GANC: variants seen among roughly 807,000 people sequenced by gnomAD.
The protein encoded by GANC is neutral alpha-glucosidase C.
In GANC, 117 loss-of-function variants were observed where a neutral mutation model predicts 124.2. That is an observed-to-expected ratio of 0.94 (90% confidence interval 0.81 to 1.10). The LOEUF is 1.10. Among genes scored for constraint, GANC ranks in the 50% least tolerant of loss-of-function variants. The pLI, the probability that GANC is intolerant of heterozygous loss-of-function variation, is 0.00. For synonymous variants in GANC, 377 were observed against 376.8 expected (o/e 1.00, Z -0.01); for missense variants, 1,140 against 1,095.0 (o/e 1.04, Z -0.58).
In GANC at chr15:42,353,414, C is replaced by T. The variant is rs963868703; in HGVS notation, c.*1275C>T. On this transcript the variant is annotated 3_prime_UTR_variant, in exon 24 of 24. Transcript: ENST00000318010. The stretch of plus-strand genomic sequence containing the variant: ...CTGCGTGAACACCCCTACCCCCATA[C>T]CCATTAGCAGTGATTTTGCCCTTCC... The T allele has an allele frequency of 1.0e-6, 1 of 964,150 alleles. No homozygotes were observed. Among genetic ancestry groups the T allele is most frequent in the African/African-American group, 1.8e-5 (1 of 56,692 alleles). 59.7% of individuals were successfully genotyped at this position (964,150 alleles called of 1,614,324 possible).
rs1319102322 is a variant in GANC at position 42,278,608 on chromosome 15, T to C, written c.201+18T>C. The C allele has an allele frequency of 2.6e-6, 4 of 1,524,946 alleles. No homozygotes were observed. In the Middle Eastern group the frequency reaches 5.1e-4, roughly 194 times the overall value. The allele number at this position is 1,524,946 out of a possible 1,614,324, so 94.5% of individuals were successfully genotyped here. Reference sequence around the variant, plus strand: ...CAAGTAAGGTGAGATGGAAGTATTTTCTACAGAGAATAATTTGTTTCTGTA... The same window carrying C: ...CAAGTAAGGTGAGATGGAAGTATTTCCTACAGAGAATAATTTGTTTCTGTA... On this transcript the variant is annotated intron_variant, in intron 3 of 23. Coordinates refer to ENST00000318010, the MANE Select transcript of GANC (RefSeq NM_198141.3).
At chr15:42,329,212 A>C in intron 13 of GANC, 94 bp from the exon 14 acceptor site, 1 of 1,267,672 alleles carries the variant, frequency 7.9e-7, no homozygotes, top group Non-Finnish European at 1.1e-6. Context: ...AGCATAGATA[A>C]TAAACATAAT....
At chr15:42,309,976 A>C (rs1174657448) in intron 8 of GANC, among the ~76,000 whole-genome samples, 1 of 152,110 alleles carries the variant, frequency 6.6e-6, no homozygotes, top group Non-Finnish European at 1.5e-5. Flanking sequence ...CCAAGATCGC[A>C]CCACTGCACT....
Position 42,306,529 on chromosome 15 carries a change from C to CT in GANC, c.559-11dup. Reference sequence around the variant, plus strand: ...GCAATTTGTAAACTCAGTTTGCTCCCTTTTTTGTACCAACAGGAAAATCAA... The same window carrying CT: ...GCAATTTGTAAACTCAGTTTGCTCCCTTTTTTTGTACCAACAGGAAAATCAA... On this transcript the variant is annotated splice_polypyrimidine_tract_variant and intron_variant, in intron 6 of 23. Transcript: ENST00000318010. 1 of 1,601,094 alleles carries CT rather than the reference C, an allele frequency of 6.2e-7. No individual in the cohort carries two copies. The highest frequency in any genetic ancestry group is 1.1e-5 in the South Asian group (1 of 89,414).
At chr15:42,325,079 C>T (rs8038467) in intron 11 of GANC, among the ~76,000 whole-genome samples, 7 of 149,434 alleles carry the variant, frequency 4.7e-5, no homozygotes, top group African/African-American at 1.7e-4. Flanking sequence ...GCCTGGCCAA[C>T]ATAATGAAAC....
At chr15:42,351,291 C>T in intron 22 of GANC, 38 bp from the exon 23 acceptor site, 1 of 1,489,908 alleles carries the variant, frequency 6.7e-7, no homozygotes, top group Non-Finnish European at 9.4e-7. Context: ...TTCAAACCCC[C>T]ATCCCTCTCC....
rs138386680 is a variant in GANC at position 42,309,603 on chromosome 15, C to G, written c.723-680C>G. ...AAAATGCTGGGATTACAGGCGTGAG[C>G]CACCGGCACCCAGCCTGGACACAAT... On this transcript the variant is annotated intron_variant, in intron 8 of 23. Transcript: ENST00000318010. Among the ~76,000 whole-genome samples the G allele has an allele frequency of 7.9e-3, 1,190 of 151,560 alleles. 14 individuals are homozygous for G. Among genetic ancestry groups the G allele is most frequent in the African/African-American group, 0.027 (1,136 of 41,396 alleles).
Position 42,291,611 on chromosome 15 carries a change from T to A in GANC, c.330-1124T>A, listed in dbSNP as rs184782875. The stretch of plus-strand genomic sequence containing the variant: ...GTGGGCTGGAGATAATGGTGGGAAA[T>A]GATGCCGTTAAAATGGTCTCCCTGA... On this transcript the variant is annotated intron_variant, in intron 4 of 23. Coordinates refer to ENST00000318010, the MANE Select transcript of GANC (RefSeq NM_198141.3). 2.0e-5 allele frequency among the ~76,000 whole-genome samples: 3 copies of A among 152,210 alleles called. No homozygotes were observed. In the East Asian group the frequency reaches 5.8e-4, roughly 29 times the overall value.
chr15:42,310,247 T>C, intron 8 of GANC, 36 bp from the exon 9 acceptor site: 4 of 1,448,472 alleles, frequency 2.8e-6, no homozygotes, highest in Non-Finnish European at 3.8e-6. Context: ...AATAATATAT[T>C]TGTGATGGTA....
intron 18 of GANC, among the ~76,000 whole-genome samples, chr15:42,342,299 A>G (rs1022165625): frequency 6.6e-6 from 1 of 152,210 alleles, no homozygotes; most frequent in African/African-American, 2.4e-5. Context: ...TAAGAAAACT[A>G]GAGGCCAGGC....
chr15:42,327,404 G>A lies in GANC; in HGVS notation c.1462G>A (p.Glu488Lys), dbSNP rs1306607948. Residue 488 changes from glutamate to lysine, a missense_variant, in exon 13 of 24, where the codon GAG becomes AAG. Coordinates refer to ENST00000318010, the MANE Select transcript of GANC (RefSeq NM_198141.3). ...YLDFTNPKVREWYSSLFAFPV... is the reference protein window; with the variant it reads ...YLDFTNPKVRKWYSSLFAFPV... ...GGATTTCACCAATCCCAAGGTCAGA[G>A]AGTGGTATTCAAGTCTTTTTGCTTT... 6.2e-7 allele frequency: 1 copy of A among 1,613,510 alleles called. No homozygotes were observed. The highest frequency in any genetic ancestry group is 1.3e-5 in the African/African-American group (1 of 74,900).
At chr15:42,322,596 A>G (rs1197527818) in intron 11 of GANC, among the ~76,000 whole-genome samples, 1 of 152,154 alleles carries the variant, frequency 6.6e-6, no homozygotes, top group Non-Finnish European at 1.5e-5. Flanking sequence ...GCTTGTCCAG[A>G]TACGGGCCGA....
At chr15:42,297,102 T>G (rs1351996503) in intron 5 of GANC, among the ~76,000 whole-genome samples, 3 of 152,180 alleles carry the variant, frequency 2.0e-5, no homozygotes, top group Non-Finnish European at 4.4e-5. Flanking sequence ...TACATTATAG[T>G]GCTGTGTTCT....
At chr15:42,285,310 C>G (rs942234943) in intron 3 of GANC, among the ~76,000 whole-genome samples, 3 of 152,144 alleles carry the variant, frequency 2.0e-5, no homozygotes, top group Admixed American at 6.5e-5. Context: ...AGGCAGGGGA[C>G]TCTAAGGTGG....
chr15:42,297,629 G>A lies in GANC; in HGVS notation c.531G>A (p.Glu177=). Residue 177 remains glutamate, a synonymous_variant, in exon 6 of 24, where the codon GAG becomes GAA. Coordinates refer to ENST00000318010, the MANE Select transcript of GANC (RefSeq NM_198141.3). ...AAAACAGAGCTGCTAAAGAAAATGAGGAGGAGACATCAGTGGACACCTCTC... is the reference window on the plus strand; with the variant it reads ...AAAACAGAGCTGCTAAAGAAAATGAAGAGGAGACATCAGTGGACACCTCTC... ...LHKQRAAKEN[E]EETSVDTSQE... 6.2e-7 allele frequency: 1 copy of A among 1,612,200 alleles called. No homozygotes were observed.
chr15:42,283,675 T>C, intron 3 of GANC: 3 of 702,622 alleles, frequency 4.3e-6, no homozygotes, highest in East Asian at 2.7e-5. Flanking sequence ...CAGGAATATC[T>C]CTGAGCACCT....
At chr15:42,338,335 AT>A in intron 15 of GANC, 53 bp from the exon 16 acceptor site, 1 of 1,250,384 alleles carries the variant, frequency 8.0e-7, no homozygotes, top group Admixed American at 1.9e-5. Flanking sequence ...TACATAGGAA[AT>A]TGAACGCATG....
chr15:42,322,137 G>T (rs967986536), intron 11 of GANC, 117 bp downstream of exon 11: 2 of 785,646 alleles, frequency 2.5e-6, no homozygotes, highest in Non-Finnish European at 4.1e-6. Flanking sequence ...TGTGAAAATA[G>T]TAGATTCAAA....
intron 3 of GANC, chr15:42,280,810 A>G: frequency 1.6e-6 from 1 of 619,776 alleles, no homozygotes; most frequent in Non-Finnish European, 2.9e-6. Context: ...AATTCTCAAC[A>G]CAGCGTGATA....
Sources: gnomAD v4.1 joint callset for allele counts (sites outside exome capture counted in the v4.1 genomes callset) on GRCh38, gnomAD v4.1.1 for gene constraint, MANE v1.5 for transcripts, NCBI Gene and HGNC (gene_info 2026-07-23, HGNC 2026-07-21) for gene names.